PBRM1: variants seen among roughly 807,000 people sequenced by gnomAD.
PBRM1 encodes the protein protein polybromo-1.
In PBRM1, 27 loss-of-function variants were observed where a neutral mutation model predicts 194.5. The ratio of observed to expected loss-of-function variants is 0.14; its 90% CI spans 0.10 to 0.19. The LOEUF (loss-of-function observed/expected upper bound fraction) is 0.19, where lower values mean the gene tolerates loss of function less well. PBRM1 is among the 10% of genes least tolerant of loss of function. The pLI, the probability that PBRM1 is intolerant of heterozygous loss-of-function variation, is 1.00. For missense variants in PBRM1, 1,466 were observed against 2,077.2 expected (o/e 0.71, Z 5.72); for synonymous variants, 655 against 693.2 (o/e 0.94, Z 0.87).
At chr3:52,637,141 C>T (rs1476664083) in intron 10 of PBRM1, among the ~76,000 whole-genome samples, 1 of 152,090 alleles carries the variant, frequency 6.6e-6, no homozygotes, top group African/African-American at 2.4e-5. Context: ...TGGATTTACA[C>T]CTAGGTATAT....
chr3:52,602,494 T>C (rs968026738), intron 17 of PBRM1, among the ~76,000 whole-genome samples: 4 of 152,230 alleles, frequency 2.6e-5, no homozygotes, highest in Non-Finnish European at 5.9e-5. Context: ...ACAGCATGTG[T>C]AGGTTTTCCA....
chr3:52,623,246 C>T (rs2095338845), intron 13 of PBRM1, among the ~76,000 whole-genome samples: 1 of 152,196 alleles, frequency 6.6e-6, no homozygotes, highest in African/African-American at 2.4e-5. Flanking sequence ...CACCATCACA[C>T]CTGTGAATAG....
intron 6 of PBRM1, among the ~76,000 whole-genome samples, chr3:52,649,008 G>A (rs1430938963): frequency 3.9e-5 from 6 of 152,162 alleles, no homozygotes; most frequent in African/African-American, 7.2e-5. Flanking sequence ...ACACTTTTAG[G>A]TAAGAGGCAC....
chr3:52,586,569 G>A (rs1053986994), exon 20 of PBRM1: 3 of 1,613,954 alleles, frequency 1.9e-6, no homozygotes, highest in East Asian at 2.2e-5. Flanking sequence ...ACCTGACTGA[G>A]CTGATGGGCA....
At chr3:52,563,470 T>C in exon 24 of PBRM1, 1 of 1,613,934 alleles carries the variant, frequency 6.2e-7, no homozygotes, top group Non-Finnish European at 8.5e-7. Flanking sequence ...AGGTGATGGC[T>C]CCTTCTGAGG....
At chr3:52,663,489 CA>C (rs2096767969) in intron 3 of PBRM1, among the ~76,000 whole-genome samples, 1 of 152,166 alleles carries the variant, frequency 6.6e-6, no homozygotes, top group African/African-American at 2.4e-5. Context: ...TTAGCCTTAA[CA>C]AAGACAGGCC....
chr3:52,569,972 CTTTTT>C (rs548901191), intron 22 of PBRM1, among the ~76,000 whole-genome samples: 1 of 152,020 alleles, frequency 6.6e-6, no homozygotes, highest in Non-Finnish European at 1.5e-5. Flanking sequence ...TGTTTCTTTT[CTTTTT>C]TTGTTTTTTG....
intron 22 of PBRM1, among the ~76,000 whole-genome samples, chr3:52,572,154 T>C (rs114577020): frequency 0.013 from 2,042 of 151,402 alleles, 17 homozygotes; most frequent in South Asian, 0.035. Context: ...GGCCCTTTTG[T>C]TTTTCCTTTC....
chr3:52,648,255 C>G (rs1320357285), intron 7 of PBRM1, 89 bp downstream of exon 8: 2 of 750,452 alleles, frequency 2.7e-6, no homozygotes, highest in African/African-American at 3.5e-5. Flanking sequence ...TGAATTATAT[C>G]TCAATAAAGT....
At chr3:52,587,885 TC>T (rs1335725109) in intron 18 of PBRM1, among the ~76,000 whole-genome samples, 1 of 151,748 alleles carries the variant, frequency 6.6e-6, no homozygotes, top group Non-Finnish European at 1.5e-5. Flanking sequence ...ATGCTACTTT[TC>T]CCCCCTCATA....
chr3:52,588,379 TTC>T (rs2092661760), intron 18 of PBRM1, among the ~76,000 whole-genome samples: 1 of 151,406 alleles, frequency 6.6e-6, no homozygotes, highest in Non-Finnish European at 1.5e-5. Flanking sequence ...CTATAATAAT[TTC>T]TTTTTTGATC....
intron 13 of PBRM1, chr3:52,624,928 T>A: frequency 6.5e-7 from 1 of 1,548,112 alleles, no homozygotes. Flanking sequence ...AACATCTCAC[T>A]GTCATGAGTG....
intron 13 of PBRM1, among the ~76,000 whole-genome samples, chr3:52,620,363 AG>A (rs1324947800): frequency 1.3e-5 from 2 of 152,248 alleles, no homozygotes; most frequent in African/African-American, 2.4e-5. Flanking sequence ...CTAAGCTTAC[AG>A]GATCTCTCCA....
chr3:52,582,899 C>T (rs1241793241), intron 20 of PBRM1, among the ~76,000 whole-genome samples: 2 of 148,958 alleles, frequency 1.3e-5, no homozygotes, highest in Non-Finnish European at 3.0e-5. Context: ...AGATCGAGAC[C>T]ATCCTGGCTA....
intron 17 of PBRM1, among the ~76,000 whole-genome samples, chr3:52,591,734 G>A (rs1471681286): frequency 6.7e-6 from 1 of 149,346 alleles, no homozygotes; most frequent in Non-Finnish European, 1.5e-5. Flanking sequence ...TGGCCAGGCT[G>A]GTCTTGAACT....
exon 27 of PBRM1, chr3:52,554,756 C>G (rs1377136421): frequency 6.4e-7 from 1 of 1,571,290 alleles, no homozygotes; most frequent in Non-Finnish European, 8.6e-7. Context: ...GCCAGGCACA[C>G]CTGGCGGAAG....
At chr3:52,549,113 G>A (rs1329810074) in intron 29 of PBRM1, among the ~76,000 whole-genome samples, 5 of 151,388 alleles carry the variant, frequency 3.3e-5, no homozygotes, top group South Asian at 2.1e-4. Flanking sequence ...CTCCACCTCC[G>A]GGTTCAAATG....
intron 4 of PBRM1, 98 bp from the exon 6 acceptor site, chr3:52,658,413 T>A: frequency 1.8e-5 from 3 of 162,906 alleles, no homozygotes; most frequent in Non-Finnish European, 3.8e-5. Context: ...AAACAGCAAC[T>A]TTTTTTTTTT....
At chr3:52,677,784 C>T (rs1157561202) in intron 2 of PBRM1, among the ~76,000 whole-genome samples, 1 of 151,948 alleles carries the variant, frequency 6.6e-6, no homozygotes, top group Non-Finnish European at 1.5e-5. Context: ...TGGTCTCGAA[C>T]TCCTGGCCTC....
Sources: gnomAD v4.1 joint callset for allele counts (sites outside exome capture counted in the v4.1 genomes callset) on GRCh38, gnomAD v4.1.1 for gene constraint, MANE v1.5 for transcripts, NCBI Gene and HGNC (gene_info 2026-07-23, HGNC 2026-07-21) for gene names.